CORO2B: variants seen among roughly 807,000 people sequenced by gnomAD.
CORO2B encodes the protein coronin-2B.
A neutral mutation model predicts 58.8 loss-of-function variants in CORO2B; 26 were observed. The ratio of observed to expected loss-of-function variants is 0.44; its 90% CI spans 0.32 to 0.61. The LOEUF (loss-of-function observed/expected upper bound fraction) is 0.61, where lower values mean the gene tolerates loss of function less well. CORO2B is among the 20% of genes least tolerant of loss of function. The pLI, the probability that CORO2B is intolerant of heterozygous loss-of-function variation, is 0.04. For synonymous variants in CORO2B, 242 were observed against 253.8 expected, an observed-to-expected ratio of 0.95 and a Z score of 0.44; for missense variants, 460 against 645.1, an observed-to-expected ratio of 0.71 and a Z score of 3.11.
intron 2 of CORO2B, among the ~76,000 whole-genome samples, chr15:68,662,893 C>T (rs562126504): frequency 6.6e-6 from 1 of 152,250 alleles, no homozygotes; most frequent in Non-Finnish European, 1.5e-5. Context: ...CTAGTATCTA[C>T]AGATATTCTA....
upstream of CORO2B, among the ~76,000 whole-genome samples, chr15:68,578,818 G>A (rs1899338536): frequency 6.6e-6 from 1 of 151,902 alleles, no homozygotes; most frequent in Admixed American, 6.6e-5. The surrounding 1 kb of genome is among the most constrained non-coding windows in gnomAD (Gnocchi z 4.2). Flanking sequence ...GCGCCCGTCC[G>A]GACTCCGGGA....
chr15:68,555,121 G>T, the CORO2B span, among the ~76,000 whole-genome samples: 1 of 152,138 alleles, frequency 6.6e-6, no homozygotes, highest in African/African-American at 2.4e-5. Flanking sequence ...CTAGGGTCCC[G>T]CTGGGTGACG....
At position 68,673,888 on chromosome 15, in the gene CORO2B, C is replaced by T. The variant is rs115517446; in HGVS notation, c.217-21252C>T. ...AGTGTCCCGCTAAGACCCACAGCAC[C>T]GTGGGTGACTAACTAGGAAAGGGAC... On this transcript the variant is annotated intron_variant, in intron 2 of 11. Transcript: ENST00000261861. 4.1e-3 allele frequency among the ~76,000 whole-genome samples: 620 copies of T among 150,374 alleles called. 2 individuals are homozygous for T. Among genetic ancestry groups the T allele is most frequent in the African/African-American group, 0.014 (582 of 40,874 alleles).
chr15:68,716,591 CAG>C (rs1893037454), intron 8 of CORO2B, among the ~76,000 whole-genome samples: 1 of 152,188 alleles, frequency 6.6e-6, no homozygotes, highest in African/African-American at 2.4e-5. Flanking sequence ...GAGTTCTAGG[CAG>C]AGAGTCAAAT....
At chr15:68,590,956 G>A (rs909197182) in intron 1 of CORO2B, among the ~76,000 whole-genome samples, 6 of 152,178 alleles carry the variant, frequency 3.9e-5, no homozygotes, top group Non-Finnish European at 7.3e-5. Flanking sequence ...CAAATAAAAC[G>A]AGGACTGAGA....
intron 2 of CORO2B, among the ~76,000 whole-genome samples, chr15:68,679,063 C>T (rs936878996): frequency 6.6e-6 from 1 of 152,160 alleles, no homozygotes; most frequent in African/African-American, 2.4e-5. Context: ...GCTTCTCACT[C>T]GTGGATGAGT....
Position 68,645,412 on chromosome 15 carries a change from C to A in CORO2B, c.216+52C>A. 6.4e-7 allele frequency: 1 copy of A among 1,562,854 alleles called. No individual in the cohort carries two copies. The highest frequency in any genetic ancestry group is 8.7e-7 in the Non-Finnish European group (1 of 1,146,630). On this transcript the variant is annotated intron_variant, in intron 2 of 11. Transcript: ENST00000261861. The surrounding 1 kb of genome is among the most constrained non-coding windows in gnomAD (Gnocchi z 4.5). ...CTGCAGCTCCAGGGCAGAGAGGAGC[C>A]CTCCTTGGTCTCTCTTAGGCCTGTT... is the stretch of plus-strand genomic sequence containing the variant.
the CORO2B span, among the ~76,000 whole-genome samples, chr15:68,543,271 C>G: frequency 2.0e-5 from 3 of 152,188 alleles, no homozygotes; most frequent in African/African-American, 7.2e-5. Flanking sequence ...GTTTGCTCCC[C>G]TGTCAGAGGG....
At chr15:68,713,849 C>A in intron 5 of CORO2B, 76 bp from the exon 6 acceptor site, 1 of 959,978 alleles carries the variant, frequency 1.0e-6, no homozygotes. Context: ...TGTATCTTTT[C>A]GGGACCACCA....
Position 68,725,999 on chromosome 15 carries a change from G to A in CORO2B, c.*25G>A. 6.2e-7 allele frequency: 1 copy of A among 1,611,100 alleles called. No homozygotes were observed. Among genetic ancestry groups the A allele is most frequent in the Non-Finnish European group, 8.5e-7 (1 of 1,179,900 alleles). On this transcript the variant is annotated 3_prime_UTR_variant, in exon 12 of 12. Transcript: ENST00000261861. Reference sequence around the variant, plus strand: ...GCTCCCCAGCTGGGCTGTTTTCTAAGCCGATCTCTCCGTCGTTTCTACTCA... The same window carrying A: ...GCTCCCCAGCTGGGCTGTTTTCTAAACCGATCTCTCCGTCGTTTCTACTCA...
intron 3 of CORO2B, among the ~76,000 whole-genome samples, chr15:68,701,923 C>G (rs1056360219): frequency 1.3e-5 from 2 of 152,102 alleles, no homozygotes; most frequent in African/African-American, 2.4e-5. Flanking sequence ...ACTTTCTTTT[C>G]CTTAAGTGAG....
chr15:68,723,415 C>A (rs1159865049), intron 11 of CORO2B, among the ~76,000 whole-genome samples: 3 of 151,744 alleles, frequency 2.0e-5, no homozygotes, highest in Non-Finnish European at 4.4e-5. Flanking sequence ...AGCCACGGCG[C>A]CCAGCCAATA....
intron 1 of CORO2B, among the ~76,000 whole-genome samples, chr15:68,596,766 CAG>C (rs1899840629): frequency 6.6e-6 from 1 of 152,170 alleles, no homozygotes; most frequent in Non-Finnish European, 1.5e-5. Flanking sequence ...ACACAGCAGG[CAG>C]AGTCTTCCCG....
At chr15:68,578,930 C>A (rs1472729220), upstream of CORO2B, 5 of 682,742 alleles carry the variant, frequency 7.3e-6, no homozygotes, top group South Asian at 6.6e-5. The surrounding 1 kb of genome is among the most constrained non-coding windows in gnomAD (Gnocchi z 4.2). Flanking sequence ...TCCTTTGTAG[C>A]GAGTTCCCGG....
At chr15:68,535,280 C>T in the CORO2B span, among the ~76,000 whole-genome samples, 16,572 of 152,274 alleles carry the variant, frequency 0.11, 951 homozygotes, top group Middle Eastern at 0.13. Context: ...CTGGAGGCAT[C>T]TCTCTGTAGC....
In CORO2B at chr15:68,666,048, T is replaced by C. The variant is rs530524008; in HGVS notation, c.216+20688T>C. Among the ~76,000 whole-genome samples the C allele has an allele frequency of 1.9e-3, 296 of 152,314 alleles. 3 individuals carry two copies. Among genetic ancestry groups the C allele is most frequent in the African/African-American group, 6.9e-3 (285 of 41,574 alleles). On this transcript the variant is annotated intron_variant, in intron 2 of 11. Coordinates refer to ENST00000261861, the MANE Select transcript of CORO2B (RefSeq NM_006091.5). The stretch of plus-strand genomic sequence containing the variant: ...ACATATTTTGGGTTGAGAAATATTT[T>C]CCCCCCAGCATTTTATTATTAAACT...
In CORO2B at chr15:68,610,775, A is replaced by G. The variant is rs375219618; in HGVS notation, c.15+31498A>G. 1.4e-4 allele frequency among the ~76,000 whole-genome samples: 21 copies of G among 152,300 alleles called. 1 individual carries two copies. The highest frequency in any genetic ancestry group is 1.0e-3 in the Admixed American group (16 of 15,290). On this transcript the variant is annotated intron_variant, in intron 1 of 11. Coordinates refer to ENST00000261861, the MANE Select transcript of CORO2B (RefSeq NM_006091.5). Reference sequence around the variant, plus strand: ...TCTGTGAGGCAGGTTTGGGAGGCCAATAGGGCATCAGGCCAGTCCAGAATA... The same window carrying G: ...TCTGTGAGGCAGGTTTGGGAGGCCAGTAGGGCATCAGGCCAGTCCAGAATA...
intron 8 of CORO2B, among the ~76,000 whole-genome samples, chr15:68,716,212 G>A (rs936437364): frequency 2.0e-5 from 3 of 152,182 alleles, no homozygotes; most frequent in African/African-American, 7.2e-5. Flanking sequence ...TGTCACTCCT[G>A]CATCAAATAG....
chr15:68,667,570 A>C lies in CORO2B; in HGVS notation c.216+22210A>C, dbSNP rs1350049547. ...AGATGAGTCTTGGCCAAAGCCCCAC[A>C]TCTGCCTGATGGCAAAGCTTTGGAT... On this transcript the variant is annotated intron_variant, in intron 2 of 11. Coordinates refer to ENST00000261861, the MANE Select transcript of CORO2B (RefSeq NM_006091.5). Among the ~76,000 whole-genome samples the C allele has an allele frequency of 2.6e-5, 4 of 152,204 alleles. No individual in the cohort carries two copies. The East Asian group carries it at 7.7e-4, about 29-fold the overall frequency.
Sources: allele counts gnomAD v4.1 joint callset (sites outside exome capture counted in the v4.1 genomes callset), GRCh38; gene constraint gnomAD v4.1.1; non-coding constraint Gnocchi (gnomAD v3.1); transcripts MANE v1.5; gene names NCBI Gene and HGNC (gene_info 2026-07-23, HGNC 2026-07-21).